CDCA7L: variants seen among roughly 807,000 people sequenced by gnomAD.
The protein encoded by CDCA7L is cell division cycle associated 7 like.
Under a neutral mutation model 57.4 loss-of-function variants are expected in CDCA7L, and 44 were observed. The ratio of observed to expected loss-of-function variants is 0.77; its 90% CI spans 0.60 to 0.98. The LOEUF is 0.98. Ranked by LOEUF, CDCA7L falls within the 50% of genes least tolerant of loss-of-function variation. The pLI is 0.00. For missense variants in CDCA7L, 644 were observed against 580.6 expected, an observed-to-expected ratio of 1.11 and a Z score of -1.12; for synonymous variants, 236 against 202.8, an observed-to-expected ratio of 1.16 and a Z score of -1.39.
At chr7:21,906,498 C>T (rs757782682) in intron 5 of CDCA7L, 42 bp from the exon 6 acceptor site, 21 of 1,611,020 alleles carry the variant, frequency 1.3e-5, no homozygotes, top group East Asian at 2.2e-5. Flanking sequence ...GGGACTCTCT[C>T]GAATAAAAGC....
At chr7:21,921,606 T>TC (rs1177966869) in intron 1 of CDCA7L, among the ~76,000 whole-genome samples, 1 of 151,850 alleles carries the variant, frequency 6.6e-6, no homozygotes, top group African/African-American at 2.4e-5. Flanking sequence ...TTTTTTTTTT[T>TC]TTCAAAGTTT....
intron 1 of CDCA7L, among the ~76,000 whole-genome samples, chr7:21,936,591 C>T (rs1215848950): frequency 6.6e-6 from 1 of 151,098 alleles, no homozygotes; most frequent in Admixed American, 6.6e-5. Context: ...TCAACTGATG[C>T]AGAAAAACAT....
At chr7:21,921,737 ACTT>A (rs1374628972) in intron 1 of CDCA7L, among the ~76,000 whole-genome samples, 1 of 152,166 alleles carries the variant, frequency 6.6e-6, no homozygotes, top group Non-Finnish European at 1.5e-5. Flanking sequence ...CATTAGTTGA[ACTT>A]CTGAATTAGG....
chr7:21,915,678 T>C (rs1785462859), intron 2 of CDCA7L, among the ~76,000 whole-genome samples: 1 of 116,650 alleles, frequency 8.6e-6, no homozygotes, highest in Non-Finnish European at 1.8e-5. Context: ...CACACACAAA[T>C]TAGCCAGGCG....
At chr7:21,944,291 A>T (rs962136539) in intron 1 of CDCA7L, among the ~76,000 whole-genome samples, 6 of 150,794 alleles carry the variant, frequency 4.0e-5, no homozygotes, top group Admixed American at 6.6e-5. Context: ...AAAAAAAAAA[A>T]ATACAAAAAA....
Position 21,901,560 on chromosome 7 carries a change from C to A in CDCA7L, c.*762G>T. The A allele has an allele frequency of 4.8e-6, 1 of 209,070 alleles. No homozygotes were observed. 13.0% of individuals were successfully genotyped at this position (209,070 alleles called of 1,614,324 possible). ...CTCCCTCCTGGGCAACAGAACAAGA[C>A]TCCATCTCAAAAAAAAAAAAGTACA... On this transcript the variant is annotated 3_prime_UTR_variant, in exon 10 of 10. Coordinates refer to ENST00000406877, the MANE Select transcript of CDCA7L (RefSeq NM_018719.5).
chr7:21,944,449 C>CAAAAAAAAAAAAAAAAAGAAAA (rs1786445453), intron 1 of CDCA7L, among the ~76,000 whole-genome samples: 1 of 61,658 alleles, frequency 1.6e-5, no homozygotes, highest in African/African-American at 9.0e-5. Flanking sequence ...ACTCCGTCTC[C>CAAAAAAAAAAAAAAAAAGAAAA]AAAAAAAAAA....
intron 2 of CDCA7L, among the ~76,000 whole-genome samples, chr7:21,914,723 C>A (rs535763901): frequency 2.6e-5 from 4 of 152,250 alleles, no homozygotes; most frequent in South Asian, 2.1e-4. Flanking sequence ...AGATGTGGGG[C>A]CTTGGGCAAG....
At position 21,901,081 on chromosome 7, in the gene CDCA7L, A is replaced by T; in HGVS notation, c.*1241T>A. The T allele has an allele frequency of 6.2e-7, 1 of 1,613,876 alleles. No individual in the cohort carries two copies. The highest frequency in any genetic ancestry group is 8.5e-7 in the Non-Finnish European group (1 of 1,179,782). ...GGAGCTGGCATGCCCTATGCCGGTC[A>T]TCTTTGCAAAAGCCACCCCCGTGGA... On this transcript the variant is annotated 3_prime_UTR_variant, in exon 10 of 10. Coordinates refer to ENST00000406877, the MANE Select transcript of CDCA7L (RefSeq NM_018719.5).
chr7:21,923,287 G>C (rs13234391), intron 1 of CDCA7L, among the ~76,000 whole-genome samples: 1 of 152,074 alleles, frequency 6.6e-6, no homozygotes, highest in Non-Finnish European at 1.5e-5. Flanking sequence ...CCAGGGGTTT[G>C]AGACCAGCCT....
At chr7:21,935,597 T>C (rs199722715) in intron 1 of CDCA7L, among the ~76,000 whole-genome samples, 3 of 36,962 alleles carry the variant, frequency 8.1e-5, no homozygotes, top group Non-Finnish European at 2.1e-4. Flanking sequence ...GTTTATTCTT[T>C]GAAAAAAAAA....
chr7:21,932,598 T>C (rs1195839526), intron 1 of CDCA7L, among the ~76,000 whole-genome samples: 1 of 152,212 alleles, frequency 6.6e-6, no homozygotes, highest in Non-Finnish European at 1.5e-5. Context: ...TGGCTAGCCA[T>C]ATGCAGAAAA....
chr7:21,910,239 A>G (rs1785273295), intron 3 of CDCA7L, among the ~76,000 whole-genome samples: 2 of 152,178 alleles, frequency 1.3e-5, no homozygotes, highest in African/African-American at 4.8e-5. Context: ...TTAGGGTTTT[A>G]GAAGCATCTT....
Position 21,911,717 on chromosome 7 carries a change from T to C in CDCA7L, c.203A>G (p.Glu68Gly), listed in dbSNP as rs1446192361. Reference protein sequence around the residue: ...VRFHSKYFTEELRRIFIEDTD... With the variant: ...VRFHSKYFTEGLRRIFIEDTD... ...GTCCTCTATAAAAATTCTTCTTAGC[T>C]CTTCTGTGAAGTATTTGGAATGAAA... Residue 68 changes from glutamate (E) to glycine (G), a missense_variant, in exon 3 of 10, where the codon GAG becomes GGG. By Grantham distance (98) the Glu-to-Gly change is moderately conservative. Coordinates refer to ENST00000406877, the MANE Select transcript of CDCA7L (RefSeq NM_018719.5). 1 of 1,613,774 alleles carries C rather than the reference T, an allele frequency of 6.2e-7. No individual in the cohort carries two copies. The highest frequency in any genetic ancestry group is 1.1e-5 in the South Asian group (1 of 91,006).
intron 1 of CDCA7L, among the ~76,000 whole-genome samples, chr7:21,942,193 C>T (rs1033296637): frequency 5.9e-5 from 9 of 152,172 alleles, no homozygotes; most frequent in Middle Eastern, 3.2e-3. Context: ...GAAACATCAA[C>T]GATTTATTTG....
At chr7:21,911,478 T>G in intron 3 of CDCA7L, 139 bp downstream of exon 3, 1 of 1,039,116 alleles carries the variant, frequency 9.6e-7, no homozygotes, top group Non-Finnish European at 1.3e-6. Context: ...GCAATTTTTT[T>G]AGGTTATGTT....
At chr7:21,915,147 G>T (rs1485814962) in intron 2 of CDCA7L, among the ~76,000 whole-genome samples, 1 of 152,142 alleles carries the variant, frequency 6.6e-6, no homozygotes, top group Non-Finnish European at 1.5e-5. Flanking sequence ...GGGAAGGGAA[G>T]GATGGACACC....
intron 9 of CDCA7L, chr7:21,902,594 A>AAACTTGTAACTCAC: frequency 1.8e-6 from 1 of 569,796 alleles, no homozygotes; most frequent in Non-Finnish European, 3.1e-6. Flanking sequence ...TACATAAATG[A>AAACTTGTAACTCAC]AACTTGTAAC....
chr7:21,914,968 C>T (rs1032403832), intron 2 of CDCA7L, among the ~76,000 whole-genome samples: 1 of 152,182 alleles, frequency 6.6e-6, no homozygotes, highest in Non-Finnish European at 1.5e-5. Flanking sequence ...TTCTGCCTTG[C>T]TCAAATGCTC....
Sources: allele counts gnomAD v4.1 joint callset (sites outside exome capture counted in the v4.1 genomes callset), GRCh38; gene constraint gnomAD v4.1.1; transcripts MANE v1.5; gene names NCBI Gene and HGNC (gene_info 2026-07-23, HGNC 2026-07-21).